The following GBA1 variants were observed in gnomAD, a reference collection of about 807,000 sequenced individuals.
GBA1 encodes lysosomal acid glucosylceramidase.
At chr1:155,240,229 C>T in the GBA1 span, 19 of 684,164 alleles carry the variant, frequency 2.8e-5, no homozygotes, top group Non-Finnish European at 4.3e-5. Flanking sequence ...TTTAGGAGGC[C>T]GAGGTGGGCG....
the GBA1 span, chr1:155,239,782 A>G: frequency 1.2e-6 from 2 of 1,613,948 alleles, no homozygotes; most frequent in African/African-American, 2.7e-5. Flanking sequence ...TCCACAGGGA[A>G]TAAGGGTATC....
chr1:155,236,086 T>C, the GBA1 span: 1 of 785,442 alleles, frequency 1.3e-6, no homozygotes, highest in Non-Finnish European at 2.2e-6. Context: ...TGCAGACCTG[T>C]GAAGGAAAGG....
At chr1:155,237,759 G>T in the GBA1 span, among the ~76,000 whole-genome samples, 2 of 152,038 alleles carry the variant, frequency 1.3e-5, no homozygotes, top group Non-Finnish European at 2.9e-5. Flanking sequence ...AAAATCAGCT[G>T]GGCCTGGTGG....
the GBA1 span, chr1:155,240,949 G>C: frequency 1.1e-6 from 1 of 883,490 alleles, no homozygotes; most frequent in East Asian, 2.5e-5. Context: ...TTTCAACTTC[G>C]ACCCCTCCCT....
chr1:155,242,047 G>A, the GBA1 span, among the ~76,000 whole-genome samples: 1 of 152,146 alleles, frequency 6.6e-6, no homozygotes. Context: ...GAGATTTAGC[G>A]GGAGTGGCAC....
chr1:155,238,655 A>G, the GBA1 span: 1 of 1,613,660 alleles, frequency 6.2e-7, no homozygotes, highest in African/African-American at 1.3e-5. Context: ...CGATTCCTAC[A>G]GAAAAGGATG....
At chr1:155,243,267 A>C in the GBA1 span, among the ~76,000 whole-genome samples, 3 of 152,194 alleles carry the variant, frequency 2.0e-5, no homozygotes, top group Non-Finnish European at 2.9e-5. Context: ...TTTTCAAGGA[A>C]ACATTGCACA....
chr1:155,235,456 C>G, the GBA1 span: 1 of 1,364,738 alleles, frequency 7.3e-7, no homozygotes, highest in Non-Finnish European at 1.0e-6. Context: ...TGCTGCTGGG[C>G]ACTGACCCTG....
At chr1:155,239,043 C>G in the GBA1 span, among the ~76,000 whole-genome samples, 2 of 151,522 alleles carry the variant, frequency 1.3e-5, no homozygotes, top group African/African-American at 4.9e-5. Context: ...ATAGTGAAAC[C>G]CTGTCTCTAC....
the GBA1 span, chr1:155,238,627 C>T: frequency 6.2e-7 from 1 of 1,613,628 alleles, no homozygotes; most frequent in Non-Finnish European, 8.5e-7. Context: ...GCCATGGGTA[C>T]CCGGATGATG....
chr1:155,243,224 T>C, the GBA1 span, among the ~76,000 whole-genome samples: 1 of 152,224 alleles, frequency 6.6e-6, no homozygotes, highest in African/African-American at 2.4e-5. Flanking sequence ...GTTGCTTCAC[T>C]ATGTCAGTAG....
chr1:155,236,198 A>C, the GBA1 span: 1 of 1,496,128 alleles, frequency 6.7e-7, no homozygotes, highest in Non-Finnish European at 9.3e-7. Context: ...GAAACTAGTA[A>C]GAGGTCTGAG....
the GBA1 span, chr1:155,239,509 C>G: frequency 1.6e-6 from 2 of 1,257,140 alleles, no homozygotes; most frequent in Non-Finnish European, 2.3e-6. Flanking sequence ...CCTGTCTCGC[C>G]GACAGAATGG....
At chr1:155,239,595 T>C in the GBA1 span, 1 of 1,613,928 alleles carries the variant, frequency 6.2e-7, no homozygotes, top group Admixed American at 1.7e-5. Flanking sequence ...CTCTATGTCA[T>C]CTTGTCCCCT....
chr1:155,236,591 T>C, the GBA1 span: 1 of 773,914 alleles, frequency 1.3e-6, no homozygotes, highest in Non-Finnish European at 2.2e-6. Context: ...TTTGGGGAGA[T>C]TTTTTTTTGT....
At chr1:155,240,189 C>G in the GBA1 span, 3 of 955,026 alleles carry the variant, frequency 3.1e-6, no homozygotes, top group East Asian at 5.2e-5. Flanking sequence ...CTTGGCCGGG[C>G]GCAGGGGCTC....
At chr1:155,239,604 C>T in the GBA1 span, 7 of 1,614,122 alleles carry the variant, frequency 4.3e-6, no homozygotes, top group Admixed American at 1.7e-5. Context: ...ATCTTGTCCC[C>T]TTCCTCCTCA....
the GBA1 span, chr1:155,238,354 T>C: frequency 1.3e-6 from 2 of 1,529,406 alleles, no homozygotes; most frequent in Non-Finnish European, 8.9e-7. Context: ...TTGGAACACA[T>C]ACTAGCCCAA....
At chr1:155,241,293 CAT>C in the GBA1 span, 5 of 665,040 alleles carry the variant, frequency 7.5e-6, no homozygotes, top group South Asian at 5.1e-5. Flanking sequence ...AGGAGCGTCA[CAT>C]GACACAGGAA....
Sources: gnomAD v4.1 joint callset for allele counts (sites outside exome capture counted in the v4.1 genomes callset) on GRCh38, gnomAD v4.1.1 for gene constraint, MANE v1.5 for transcripts, NCBI Gene and HGNC (gene_info 2026-07-23, HGNC 2026-07-21) for gene names.